FMNL2: variants seen among roughly 807,000 people sequenced by gnomAD.
FMNL2 encodes the protein formin like 2, also known as formin-like protein 2.
In FMNL2, 51 loss-of-function variants were observed where a neutral mutation model predicts 130.2. The ratio of observed to expected loss-of-function variants is 0.39; its 90% CI spans 0.31 to 0.49. The LOEUF (loss-of-function observed/expected upper bound fraction) is 0.49, where lower values mean the gene tolerates loss of function less well. FMNL2 is among the 20% of genes least tolerant of loss of function. The probability of loss-of-function intolerance (pLI) is 0.85; values close to 1 mark genes in which losing one functional copy is unlikely to be tolerated. For missense variants in FMNL2, 977 were observed against 1,316.2 expected, an observed-to-expected ratio of 0.74 and a Z score of 3.99; for synonymous variants, 465 against 467.1, an observed-to-expected ratio of 1.00 and a Z score of 0.06.
At chr2:152,375,239 C>A (rs1684088369) in intron 1 of FMNL2, among the ~76,000 whole-genome samples, 1 of 152,174 alleles carries the variant, frequency 6.6e-6, no homozygotes, top group Non-Finnish European at 1.5e-5. Context: ...CTCTGGAGCA[C>A]TGAACAGGTG....
intron 1 of FMNL2, among the ~76,000 whole-genome samples, chr2:152,462,116 A>G (rs2078444): frequency 0.42 from 63,821 of 151,828 alleles, 14,428 homozygotes; most frequent in East Asian, 0.68. Context: ...TCCTGCCTCA[A>G]CCTCCCAAAG....
intron 1 of FMNL2, among the ~76,000 whole-genome samples, chr2:152,370,478 A>G (rs763436193): frequency 7.2e-5 from 11 of 152,218 alleles, no homozygotes; most frequent in Non-Finnish European, 1.2e-4. Context: ...CATCCCTTCA[A>G]ATAATATGAG....
At chr2:152,521,272 G>T (rs1325020379) in intron 1 of FMNL2, among the ~76,000 whole-genome samples, 2 of 152,150 alleles carry the variant, frequency 1.3e-5, no homozygotes, top group East Asian at 3.9e-4. Flanking sequence ...CAGAAGGTGT[G>T]CTGTGTTAAG....
At chr2:152,575,719 G>A (rs943145301) in intron 7 of FMNL2, among the ~76,000 whole-genome samples, 1 of 152,212 alleles carries the variant, frequency 6.6e-6, no homozygotes, top group Non-Finnish European at 1.5e-5. Flanking sequence ...ATAAGCTGCT[G>A]TTGCAGGTAG....
intron 2 of FMNL2, among the ~76,000 whole-genome samples, chr2:152,531,244 T>A (rs763978313): frequency 3.3e-5 from 5 of 152,168 alleles, no homozygotes; most frequent in African/African-American, 7.2e-5. Context: ...GCTTATATAT[T>A]TTTGTCCTCA....
Position 152,581,027 on chromosome 2 carries a change from C to T in FMNL2, c.854C>T (p.Ser285Leu). ...AGAGGCGGGCATGAAATCATTTTAT[C>T]AGCATTTGATAACTTTAAAGAGGTA... ...LVRGGHEIIL[S>L]AFDNFKEVCG... The change falls in exon 9 of 26, where the codon TCA becomes TTA. Residue 285 changes from serine to leucine, a missense_variant. Transcript: ENST00000288670. The T allele has an allele frequency of 6.2e-7, 1 of 1,613,854 alleles. No individual in the cohort carries two copies. The highest frequency in any genetic ancestry group is 8.5e-7 in the Non-Finnish European group (1 of 1,179,844).
chr2:152,584,648 T>G (rs540319812), intron 9 of FMNL2, among the ~76,000 whole-genome samples: 8 of 152,194 alleles, frequency 5.3e-5, no homozygotes, highest in Non-Finnish European at 8.8e-5. Context: ...GCAGGATTTT[T>G]CCCCCTCTAC....
intron 1 of FMNL2, among the ~76,000 whole-genome samples, chr2:152,429,699 A>G (rs1480083686): frequency 6.7e-6 from 1 of 148,958 alleles, no homozygotes; most frequent in Non-Finnish European, 1.5e-5. Context: ...TTTCTTTTTT[A>G]ATTTCTAAGT....
chr2:152,634,702 CA>C (rs1438835601), intron 21 of FMNL2, among the ~76,000 whole-genome samples: 3 of 152,126 alleles, frequency 2.0e-5, no homozygotes, highest in Non-Finnish European at 4.4e-5. Flanking sequence ...CTTCATAGCC[CA>C]ATTTGTTCAA....
intron 1 of FMNL2, among the ~76,000 whole-genome samples, chr2:152,341,361 A>G (rs1681794175): frequency 6.6e-6 from 1 of 152,212 alleles, no homozygotes; most frequent in Admixed American, 6.5e-5. Flanking sequence ...TGGGGTATCT[A>G]GGATAGAAGT....
At chr2:152,488,588 A>G (rs1215320526) in intron 1 of FMNL2, among the ~76,000 whole-genome samples, 2 of 152,252 alleles carry the variant, frequency 1.3e-5, no homozygotes, top group African/African-American at 4.8e-5. Context: ...TTGCATATCT[A>G]TATCTGTCTG....
intron 3 of FMNL2, among the ~76,000 whole-genome samples, chr2:152,543,809 C>A (rs1008499502): frequency 1.4e-5 from 2 of 140,208 alleles, no homozygotes; most frequent in Non-Finnish European, 3.0e-5. Context: ...CTTTCTCTTA[C>A]GGTTAATATG....
At chr2:152,449,509 C>T (rs889638188) in intron 1 of FMNL2, among the ~76,000 whole-genome samples, 3 of 152,076 alleles carry the variant, frequency 2.0e-5, no homozygotes, top group Admixed American at 1.3e-4. Flanking sequence ...AGGGAAGCAC[C>T]GGTCAAGGTT....
chr2:152,353,863 AATC>A, intron 1 of FMNL2, among the ~76,000 whole-genome samples: 1 of 151,106 alleles, frequency 6.6e-6, no homozygotes, highest in East Asian at 2.0e-4. Context: ...ACTTTAGTTA[AATC>A]ATCATCAACC....
intron 1 of FMNL2, among the ~76,000 whole-genome samples, chr2:152,374,601 A>G (rs1037755700): frequency 6.6e-6 from 1 of 152,348 alleles, no homozygotes; most frequent in East Asian, 1.9e-4. Context: ...GCTTAAAAAA[A>G]TTCTGCATTA....
chr2:152,646,496 C>T (rs1273272234), intron 25 of FMNL2, among the ~76,000 whole-genome samples: 2 of 151,964 alleles, frequency 1.3e-5, no homozygotes, highest in East Asian at 3.9e-4. Flanking sequence ...CCCGGTTTTG[C>T]CAGATCTTCC....
chr2:152,507,190 C>G (rs80310701), intron 1 of FMNL2, among the ~76,000 whole-genome samples: 11,099 of 152,222 alleles, frequency 0.073, 646 homozygotes, highest in Admixed American at 0.21. Flanking sequence ...TGCCTTGGCA[C>G]TCAATTTGAG....
At chr2:152,599,490 C>T (rs146284176) in intron 9 of FMNL2, among the ~76,000 whole-genome samples, 32 of 122,358 alleles carry the variant, frequency 2.6e-4, no homozygotes, top group African/African-American at 9.2e-4. Context: ...GTCAATGAGT[C>T]GTCCTTTGGG....
chr2:152,538,611 A>G lies in FMNL2; in HGVS notation c.202-4128A>G, dbSNP rs74941315. 5.8e-3 allele frequency among the ~76,000 whole-genome samples: 886 copies of G among 152,308 alleles called. 11 individuals carry two copies. Among genetic ancestry groups the G allele is most frequent in the African/African-American group, 0.02 (837 of 41,566 alleles). ...TTATGAGTTCTTAAATAAAACTCAT[A>G]TAAAACTTTCATGGGAACCATGAAA... On this transcript the variant is annotated intron_variant, in intron 2 of 25. Coordinates refer to ENST00000288670, the MANE Select transcript of FMNL2 (RefSeq NM_052905.4).
Sources: allele counts gnomAD v4.1 joint callset (sites outside exome capture counted in the v4.1 genomes callset), GRCh38; gene constraint gnomAD v4.1.1; transcripts MANE v1.5; gene names NCBI Gene and HGNC (gene_info 2026-07-23, HGNC 2026-07-21).